PLA2G4F: variants seen among roughly 807,000 people sequenced by gnomAD.
PLA2G4F encodes the protein cytosolic phospholipase A2 zeta.
Under a neutral mutation model 103.1 loss-of-function variants are expected in PLA2G4F, and 105 were observed. The ratio of observed to expected loss-of-function variants is 1.02; its 90% CI spans 0.87 to 1.20. PLA2G4F has a LOEUF of 1.20. Ranked by LOEUF, PLA2G4F falls within the 50% of genes most tolerant of loss-of-function variation. PLA2G4F has a pLI of 0.00. For missense variants in PLA2G4F, 1,155 were observed against 1,075.9 expected, an observed-to-expected ratio of 1.07 and a Z score of -1.03; for synonymous variants, 468 against 441.1, an observed-to-expected ratio of 1.06 and a Z score of -0.76.
intron 8 of PLA2G4F, 49 bp from the exon 9 acceptor site, chr15:42,150,535 C>T (rs1748355600): frequency 1.3e-6 from 2 of 1,599,790 alleles, no homozygotes; most frequent in Admixed American, 1.7e-5. Context: ...GAAGAAAAGT[C>T]TCCCCCAACG....
chr15:42,154,461 G>A lies in PLA2G4F; in HGVS notation c.185-3C>T, dbSNP rs772277845. The A allele has an allele frequency of 8.3e-6, 13 of 1,569,370 alleles. No individual in the cohort carries two copies. Among genetic ancestry groups the A allele is most frequent in the Non-Finnish European group, 1.1e-5 (13 of 1,155,016 alleles). On this transcript the variant is annotated splice_polypyrimidine_tract_variant and splice_region_variant and intron_variant, in intron 2 of 19. Transcript: ENST00000397272. ...CACATAGCAGTCGGCTTTGGACACT[G>A]CAGGTAGGACAGGGAGGGGCCGGGG...
Position 42,144,027 on chromosome 15 carries a change from G to GC in PLA2G4F, c.2092dup (p.Ala698GlyfsTer9). 1 of 1,613,980 alleles carries GC rather than the reference G, an allele frequency of 6.2e-7. No individual in the cohort carries two copies. The highest frequency in any genetic ancestry group is 8.5e-7 in the Non-Finnish European group (1 of 1,179,954). On this transcript the variant is annotated frameshift_variant, in exon 18 of 20. Transcript: ENST00000397272. LOFTEE classifies it high-confidence loss of function. ...GTCAAAGGACAGAATGAGGTCCACT[G>GC]CTCTCTGAGGCAGCAGAGCCAGTGG...
chr15:42,142,767 G>T, intron 18 of PLA2G4F, 53 bp from the exon 19 acceptor site: 1 of 1,585,942 alleles, frequency 6.3e-7, no homozygotes, highest in Non-Finnish European at 8.6e-7. Context: ...GGCCACTCCC[G>T]CCGCCCTGGA....
At chr15:42,144,313 A>T in intron 17 of PLA2G4F, 137 bp downstream of exon 17, 1 of 1,390,784 alleles carries the variant, frequency 7.2e-7, no homozygotes, top group Non-Finnish European at 9.8e-7. Context: ...AGCAGTATTT[A>T]GAGTCGCTCC....
At chr15:42,149,468 A>G (rs2048929692) in intron 11 of PLA2G4F, 3 of 978,968 alleles carry the variant, frequency 3.1e-6, no homozygotes, top group Non-Finnish European at 3.6e-6. Context: ...GAGAAAAGTC[A>G]TTTCTGTCAT....
intron 16 of PLA2G4F, 43 bp from the exon 17 acceptor site, chr15:42,144,687 C>T (rs1314357597): frequency 1.3e-6 from 2 of 1,504,292 alleles, no homozygotes; most frequent in East Asian, 2.3e-5. Flanking sequence ...AAAGTGGCAT[C>T]CTCCTTTGCC....
intron 4 of PLA2G4F, 77 bp from the exon 5 acceptor site, chr15:42,153,737 G>C: frequency 6.5e-7 from 1 of 1,532,748 alleles, no homozygotes; most frequent in Non-Finnish European, 9.0e-7. Flanking sequence ...TGCCAGCCCT[G>C]CTTGGCTCCA....
chr15:42,150,848 A>G (rs907430275), intron 7 of PLA2G4F, 71 bp from the exon 8 acceptor site: 7 of 1,541,358 alleles, frequency 4.5e-6, no homozygotes, highest in Middle Eastern at 2.3e-4. Flanking sequence ...TTATGCTGGC[A>G]GCGCCCCAGC....
In PLA2G4F at chr15:42,139,385, C is replaced by T. The variant is rs1230658246; in HGVS notation, c.*2599G>A. ...AACCTTTCAGAAGGCCTGCTCCTTT[C>T]CCTATAGCTTCTCCCACCACTCTGA... is the stretch of plus-strand genomic sequence containing the variant. On this transcript the variant is annotated 3_prime_UTR_variant, in exon 20 of 20. Transcript: ENST00000397272. The T allele has an allele frequency of 6.6e-6, 1 of 152,406 alleles. No individual in the cohort carries two copies. The highest frequency in any genetic ancestry group is 1.5e-5 in the Non-Finnish European group (1 of 68,128). 9.4% of individuals were successfully genotyped at this position (152,406 alleles called of 1,614,324 possible). A position where few individuals can be genotyped will look rare whatever the true frequency, so the allele number is the denominator to read the frequency against.
chr15:42,141,852 G>A lies in PLA2G4F; in HGVS notation c.*132C>T. 5 of 917,420 alleles carry A rather than the reference G, an allele frequency of 5.5e-6. No individual in the cohort carries two copies. The highest frequency in any genetic ancestry group is 8.2e-6 in the Non-Finnish European group (5 of 611,240). The allele number at this position is 917,420 out of a possible 1,614,324, so 56.8% of individuals were successfully genotyped here. A position where few individuals can be genotyped will look rare whatever the true frequency, so the allele number is the denominator to read the frequency against. ...TCTGCAAGAGCTTTCCGGGGCCTGGGGCACCTCGAGGCAGGTCCTGGAGAG... is the reference window on the plus strand; with the variant it reads ...TCTGCAAGAGCTTTCCGGGGCCTGGAGCACCTCGAGGCAGGTCCTGGAGAG... On this transcript the variant is annotated 3_prime_UTR_variant, in exon 20 of 20. Transcript: ENST00000397272.
intron 11 of PLA2G4F, among the ~76,000 whole-genome samples, chr15:42,148,334 C>G (rs2048916133): frequency 6.6e-6 from 1 of 152,194 alleles, no homozygotes; most frequent in Non-Finnish European, 1.5e-5. Flanking sequence ...ACCATTCGAC[C>G]TGGAAGATAT....
At position 42,143,887 on chromosome 15, in the gene PLA2G4F, C is replaced by T. The variant is rs1426439744; in HGVS notation, c.2142+91G>A. The T allele has an allele frequency of 9.6e-6, 14 of 1,454,874 alleles. No individual in the cohort carries two copies. In the East Asian group the frequency reaches 3.0e-4, roughly 31 times the overall value. 90.1% of individuals were successfully genotyped at this position (1,454,874 alleles called of 1,614,324 possible). A position where few individuals can be genotyped will look rare whatever the true frequency, so the allele number is the denominator to read the frequency against. ...ATCCCCACACACCCAGCCAGTCCCC[C>T]TCACCAGAGCCTTCTTTCCCCTCCT... is the stretch of plus-strand genomic sequence containing the variant. On this transcript the variant is annotated intron_variant, in intron 18 of 19. Transcript: ENST00000397272.
chr15:42,151,254 G>T, intron 7 of PLA2G4F: 1 of 985,352 alleles, frequency 1.0e-6, no homozygotes, highest in Non-Finnish European at 1.2e-6. Flanking sequence ...GTTGGGAGAG[G>T]AAGGTTTGTA....
rs549715428 is a variant in PLA2G4F, at chr15:42,154,863, G to A, written c.185-405C>T. ...CTCCCAGGCACAGGGAGGAGGCCGA[G>A]TCTGCACAGCTGTCCCCTCCAGCCC... is the stretch of plus-strand genomic sequence containing the variant. On this transcript the variant is annotated intron_variant, in intron 2 of 19. Coordinates refer to ENST00000397272, the MANE Select transcript of PLA2G4F (RefSeq NM_213600.4). Among the ~76,000 whole-genome samples, 4 of 152,194 alleles carry A rather than the reference G, an allele frequency of 2.6e-5. No homozygotes were observed. The South Asian group carries it at 8.3e-4, about 32-fold the overall frequency.
At chr15:42,154,573 G>A (rs1178306047) in intron 2 of PLA2G4F, 115 bp from the exon 3 acceptor site, 11 of 1,224,436 alleles carry the variant, frequency 9.0e-6, no homozygotes, top group East Asian at 7.9e-5. Context: ...AGCCGCCCAC[G>A]TGGCATGGTG....
intron 7 of PLA2G4F, 179 bp from the exon 8 acceptor site, chr15:42,150,956 G>C: frequency 2.0e-6 from 2 of 985,406 alleles, no homozygotes; most frequent in Non-Finnish European, 2.4e-6. Context: ...AAGGACTCTT[G>C]GGTCCTCTAG....
rs371462429 is a variant in PLA2G4F at position 42,148,064 on chromosome 15, T to C, written c.1060-302A>G. On this transcript the variant is annotated intron_variant, in intron 11 of 19. Transcript: ENST00000397272. The stretch of plus-strand genomic sequence containing the variant: ...CATGGTGGTGGGCGCCTGCCTGTAG[T>C]CCCAGCTATCTGGAGGCTGAGGCAG... Among the ~76,000 whole-genome samples, 219 of 151,716 alleles carry C rather than the reference T, an allele frequency of 1.4e-3. 2 individuals carry two copies. The East Asian group carries it at 0.017, about 12-fold the overall frequency.
intron 2 of PLA2G4F, among the ~76,000 whole-genome samples, chr15:42,154,788 C>T (rs750232130): frequency 6.6e-6 from 1 of 152,154 alleles, no homozygotes. Flanking sequence ...CCTGAGAGCG[C>T]GTGCTGACTT....
In PLA2G4F at chr15:42,145,562, T is replaced by G. The variant is rs200802378; in HGVS notation, c.1780+13A>C. On this transcript the variant is annotated intron_variant, in intron 16 of 19. Transcript: ENST00000397272. ...AATGTGGTGTGGGAGGGGCTCGGGG[T>G]CGCTACCCTCACCTGTGATATTCAC... is the stretch of plus-strand genomic sequence containing the variant. 5 of 1,609,610 alleles carry G rather than the reference T, an allele frequency of 3.1e-6. No individual in the cohort carries two copies. Among genetic ancestry groups the G allele is most frequent in the South Asian group, 2.2e-5 (2 of 90,808 alleles).
Sources: gnomAD v4.1 joint callset for allele counts (sites outside exome capture counted in the v4.1 genomes callset) on GRCh38, gnomAD v4.1.1 for gene constraint, MANE v1.5 for transcripts, NCBI Gene and HGNC (gene_info 2026-07-23, HGNC 2026-07-21) for gene names.